Variants in HDAC9 observed in about 807,000 individuals in gnomAD.
The protein encoded by HDAC9 is MEF-2 interacting transcription repressor (MITR) protein.
A neutral mutation model predicts 139.4 loss-of-function variants in HDAC9; 41 were observed. The observed-to-expected ratio is 0.29, with a 90% CI of 0.23 to 0.38. The LOEUF is 0.38. HDAC9 is among the 10% of genes least tolerant of loss of function. The probability of loss-of-function intolerance (pLI) is 1.00; values close to 1 mark genes in which losing one functional copy is unlikely to be tolerated. For synonymous variants in HDAC9, 517 were observed against 476.2 expected (o/e 1.09, Z -1.12); for missense variants, 1,147 against 1,297.0 (o/e 0.88, Z 1.78).
At chr7:18,862,695 C>T (rs1321639738) in intron 21 of HDAC9, among the ~76,000 whole-genome samples, 1 of 152,018 alleles carries the variant, frequency 6.6e-6, no homozygotes, top group African/African-American at 2.4e-5. Flanking sequence ...ACAGAGTTCC[C>T]ATTTGGATAA....
At chr7:18,597,097 T>TC (rs1281033615) in intron 6 of HDAC9, among the ~76,000 whole-genome samples, 1 of 152,076 alleles carries the variant, frequency 6.6e-6, no homozygotes, top group Non-Finnish European at 1.5e-5. Flanking sequence ...TTTACTTCCT[T>TC]CCCCTTAGGA....
intron 1 of HDAC9, among the ~76,000 whole-genome samples, chr7:18,316,656 G>T (rs1485376403): frequency 9.3e-6 from 1 of 107,676 alleles, no homozygotes; most frequent in South Asian, 3.2e-4. Context: ...AAAAAAATTG[G>T]CTGGGTGTCA....
intron 12 of HDAC9, among the ~76,000 whole-genome samples, chr7:18,702,686 G>A (rs189819906): frequency 2.0e-4 from 31 of 152,248 alleles, no homozygotes; most frequent in African/African-American, 6.0e-4. Context: ...GTGGCAGCTC[G>A]GAAATCTGCA....
chr7:18,235,459 T>C (rs746949489), intron 2 of HDAC9, among the ~76,000 whole-genome samples: 8 of 152,204 alleles, frequency 5.3e-5, no homozygotes, highest in Non-Finnish European at 8.8e-5. Context: ...GGAAGAGATG[T>C]ACACAGTTGG....
intron 1 of HDAC9, among the ~76,000 whole-genome samples, chr7:18,348,542 T>G (rs1430285855): frequency 6.6e-6 from 1 of 152,166 alleles, no homozygotes; most frequent in African/African-American, 2.4e-5. Context: ...GGGTCATAAT[T>G]TAATTATTTC....
At chr7:18,576,385 G>A (rs938557457) in intron 2 of HDAC9, among the ~76,000 whole-genome samples, 2 of 152,188 alleles carry the variant, frequency 1.3e-5, no homozygotes, top group Admixed American at 1.3e-4. Context: ...GTAGGGGCCA[G>A]TCGGGCTGAC....
At chr7:18,376,588 A>G (rs1173683143) in intron 1 of HDAC9, among the ~76,000 whole-genome samples, 2 of 152,160 alleles carry the variant, frequency 1.3e-5, no homozygotes, top group African/African-American at 4.8e-5. Context: ...TTCTTACACC[A>G]TATTGATGCA....
At chr7:18,970,797 A>G (rs1196947301) in intron 24 of HDAC9, among the ~76,000 whole-genome samples, 6 of 135,470 alleles carry the variant, frequency 4.4e-5, no homozygotes, top group African/African-American at 8.3e-5. Context: ...ACATCATTCA[A>G]ATGGAAAAAA....
At chr7:18,225,057 T>G (rs1792963508) in intron 2 of HDAC9, among the ~76,000 whole-genome samples, 1 of 152,192 alleles carries the variant, frequency 6.6e-6, no homozygotes, top group South Asian at 2.1e-4. Flanking sequence ...TCCTTTAAAC[T>G]GCTCAGTAGC....
Position 18,438,958 on chromosome 7 carries a change from C to G in HDAC9, c.-41-57304C>G, listed in dbSNP as rs187358412. 4.8e-3 allele frequency among the ~76,000 whole-genome samples: 737 copies of G among 152,202 alleles called. 2 individuals are homozygous for G. Among genetic ancestry groups the G allele is most frequent in the Non-Finnish European group, 8.5e-3 (578 of 68,022 alleles). The stretch of plus-strand genomic sequence containing the variant: ...GCATCAGAGAAGTGAAAATTATTTT[C>G]GAACACTGCATAGTACAAAACAATG... On this transcript the variant is annotated intron_variant, in intron 1 of 3. Coordinates refer to the HDAC9 transcript ENST00000413509.
At chr7:18,488,980 AT>A (rs997050239) in intron 1 of HDAC9, among the ~76,000 whole-genome samples, 1 of 152,006 alleles carries the variant, frequency 6.6e-6, no homozygotes, top group Non-Finnish European at 1.5e-5. Flanking sequence ...TTAGCTTTTA[AT>A]TATGGTTTAT....
At chr7:18,667,196 T>C (rs1584790277) in intron 12 of HDAC9, 1 of 985,338 alleles carries the variant, frequency 1.0e-6, no homozygotes, top group Non-Finnish European at 1.2e-6. Context: ...TTTTGTGTAA[T>C]TTGATGACAC....
At chr7:18,674,111 C>T (rs1244953786) in intron 12 of HDAC9, among the ~76,000 whole-genome samples, 2 of 151,962 alleles carry the variant, frequency 1.3e-5, no homozygotes, top group African/African-American at 4.8e-5. Context: ...TCCTTTATCT[C>T]CTATAGGCAG....
intron 25 of HDAC9, among the ~76,000 whole-genome samples, chr7:18,991,886 G>T (rs912385231): frequency 6.6e-6 from 1 of 152,202 alleles, no homozygotes; most frequent in Non-Finnish European, 1.5e-5. Flanking sequence ...TGAGTTCTAT[G>T]AGAGCAGGGA....
At chr7:18,749,532 T>A (rs904579426) in intron 14 of HDAC9, among the ~76,000 whole-genome samples, 1 of 152,242 alleles carries the variant, frequency 6.6e-6, no homozygotes, top group Non-Finnish European at 1.5e-5. Flanking sequence ...TGGAAATGAA[T>A]CAATTTAAAA....
chr7:19,000,747 G>C lies in HDAC9; in HGVS notation c.*4685G>C, dbSNP rs1439858046. 1 of 152,058 alleles carries C rather than the reference G, an allele frequency of 6.6e-6. No homozygotes were observed. Among genetic ancestry groups the C allele is most frequent in the African/African-American group, 2.4e-5 (1 of 41,390 alleles). 9.4% of individuals were successfully genotyped at this position (152,058 alleles called of 1,614,324 possible). A position where few individuals can be genotyped will look rare whatever the true frequency, so the allele number is the denominator to read the frequency against. ...CATTTAGCAAATACATGGTGAATCT[G>C]GTGTAAACTTACAATCTAACAAATA... is the stretch of plus-strand genomic sequence containing the variant. On this transcript the variant is annotated 3_prime_UTR_variant, in exon 26 of 26. Coordinates refer to ENST00000686413, the MANE Select transcript of HDAC9 (RefSeq NM_178425.4).
chr7:18,197,723 C>T (rs1790826067), intron 2 of HDAC9, among the ~76,000 whole-genome samples: 1 of 152,144 alleles, frequency 6.6e-6, no homozygotes, highest in South Asian at 2.1e-4. Flanking sequence ...ATGTAAGCTC[C>T]ATGAGGCCAA....
intron 16 of HDAC9, among the ~76,000 whole-genome samples, chr7:18,789,041 A>T (rs1019647134): frequency 9.2e-5 from 14 of 152,158 alleles, no homozygotes; most frequent in African/African-American, 3.1e-4. Context: ...CAGAGAAGAA[A>T]TAATCATATT....
At chr7:18,718,979 T>A (rs147170357) in intron 12 of HDAC9, among the ~76,000 whole-genome samples, 43 of 152,344 alleles carry the variant, frequency 2.8e-4, no homozygotes, top group African/African-American at 9.9e-4. Flanking sequence ...GGTGTGAAGT[T>A]GTAAATTGTT....
Sources: allele counts gnomAD v4.1 joint callset (sites outside exome capture counted in the v4.1 genomes callset), GRCh38; gene constraint gnomAD v4.1.1; transcripts MANE v1.5; gene names NCBI Gene and HGNC (gene_info 2026-07-23, HGNC 2026-07-21).